The following APP variants were observed in gnomAD, a reference collection of about 807,000 sequenced individuals.
The protein encoded by APP is amyloid-beta precursor protein.
APP carries 31 observed loss-of-function variants against 101.4 expected under a neutral mutation model. The ratio of observed to expected loss-of-function variants is 0.31; its 90% CI spans 0.23 to 0.41. The LOEUF (loss-of-function observed/expected upper bound fraction) is 0.41, where lower values mean the gene tolerates loss of function less well. APP is among the 10% of genes least tolerant of loss of function. The probability of loss-of-function intolerance (pLI) is 1.00; values close to 1 mark genes in which losing one functional copy is unlikely to be tolerated. For missense variants in APP, 839 were observed against 1,003.7 expected (o/e 0.84, Z 2.22); for synonymous variants, 366 against 364.4 (o/e 1.00, Z -0.05).
rs115416743 is a variant in APP, at chr21:26,011,018, C to T, written c.865+10822G>A. 5.3e-5 allele frequency among the ~76,000 whole-genome samples: 8 copies of T among 151,708 alleles called. No homozygotes were observed. In the South Asian group the frequency reaches 1.2e-3, roughly 24 times the overall value. ...TCCAGCCTGGGCGACAGCAAGACTC[C>T]GTCTTTGGGGGATGAGACACAGTAT... On this transcript the variant is annotated intron_variant, in intron 6 of 17. Coordinates refer to ENST00000346798, the MANE Select transcript of APP (RefSeq NM_000484.4).
chr21:26,018,031 T>C (rs1177491985), intron 6 of APP, among the ~76,000 whole-genome samples: 3 of 152,234 alleles, frequency 2.0e-5, no homozygotes, highest in Non-Finnish European at 4.4e-5. Context: ...ACAATAATTT[T>C]ATTCTACTGG....
At chr21:26,067,434 G>C (rs45605938) in intron 3 of APP, among the ~76,000 whole-genome samples, 2,027 of 152,310 alleles carry the variant, frequency 0.013, 29 homozygotes, top group Non-Finnish European at 0.022. Context: ...ATTTCAAGGA[G>C]TAGTGACTTG....
At chr21:26,023,408 T>C (rs971068589) in intron 5 of APP, among the ~76,000 whole-genome samples, 1 of 142,462 alleles carries the variant, frequency 7.0e-6, no homozygotes, top group Admixed American at 7.1e-5. Flanking sequence ...GGCATGGTGG[T>C]GTGCACCTGT....
intron 16 of APP, 129 bp downstream of exon 16, chr21:25,897,444 G>GTA: frequency 1.2e-6 from 1 of 806,306 alleles, no homozygotes; most frequent in Non-Finnish European, 2.1e-6. Flanking sequence ...TGTTTTCATG[G>GTA]TAATCCTATA....
chr21:26,163,972 C>T lies in APP; in HGVS notation c.57+6592G>A, dbSNP rs1483623181. On this transcript the variant is annotated intron_variant, in intron 1 of 17. Coordinates refer to ENST00000346798, the MANE Select transcript of APP (RefSeq NM_000484.4). ...ACAAATTCACTTTACTGCAGCTGGG[C>T]GCGGTGGCTCACGCCTGTAATCGCA... 3.3e-5 allele frequency among the ~76,000 whole-genome samples: 5 copies of T among 152,328 alleles called. No individual in the cohort carries two copies. The South Asian group carries it at 8.3e-4, about 25-fold the overall frequency.
In APP at chr21:25,946,721, A is replaced by G. The variant is rs193036145; in HGVS notation, c.1687+7869T>C. On this transcript the variant is annotated intron_variant, in intron 13 of 17. Coordinates refer to ENST00000346798, the MANE Select transcript of APP (RefSeq NM_000484.4). Reference sequence around the variant, plus strand: ...TAAAATTAAGAAAGTAAGGTAAACAACCCAATTAAAAAATTGGGCAAAGAA... The same window carrying G: ...TAAAATTAAGAAAGTAAGGTAAACAGCCCAATTAAAAAATTGGGCAAAGAA... Among the ~76,000 whole-genome samples, 1,061 of 152,208 alleles carry G rather than the reference A, an allele frequency of 7.0e-3. 9 individuals carry two copies. The highest frequency in any genetic ancestry group is 0.024 in the African/African-American group (999 of 41,534).
chr21:26,023,093 C>T (rs1013100056), intron 5 of APP, among the ~76,000 whole-genome samples: 3 of 152,160 alleles, frequency 2.0e-5, no homozygotes, highest in Admixed American at 6.5e-5. Flanking sequence ...CTGCAATGCC[C>T]TGTGGTCAGG....
At chr21:26,036,353 G>A (rs953205889) in intron 5 of APP, among the ~76,000 whole-genome samples, 3 of 152,068 alleles carry the variant, frequency 2.0e-5, no homozygotes, top group Non-Finnish European at 4.4e-5. Context: ...GGAAATGACA[G>A]TGACACACAG....
At chr21:26,109,484 T>C (rs1261322261) in intron 2 of APP, among the ~76,000 whole-genome samples, 2 of 152,244 alleles carry the variant, frequency 1.3e-5, no homozygotes, top group Non-Finnish European at 2.9e-5. Context: ...GCCATGATTC[T>C]AAGTTTCCTG....
At chr21:25,892,949 T>TA (rs768171775) in intron 16 of APP, among the ~76,000 whole-genome samples, 27,097 of 90,602 alleles carry the variant, frequency 0.3, 2,963 homozygotes, top group African/African-American at 0.43. Context: ...AGATAGTATT[T>TA]AAAAAAAAAA....
intron 5 of APP, among the ~76,000 whole-genome samples, chr21:26,035,658 G>T (rs536555455): frequency 1.5e-4 from 23 of 152,110 alleles, no homozygotes; most frequent in Non-Finnish European, 3.1e-4. Flanking sequence ...TTAAATTTGG[G>T]GGTTCCAGGA....
rs45571934 is a variant in APP, at chr21:25,955,921, T to C, written c.1459-166A>G. Among the ~76,000 whole-genome samples, 2,959 of 152,278 alleles carry C rather than the reference T, an allele frequency of 0.019. 88 individuals are homozygous for C. The highest frequency in any genetic ancestry group is 0.067 in the African/African-American group (2,763 of 41,542). ...AACATTTCTCCTACTCCTTTCTTAATGGGTAATTACTTAGATCGGCTGCTT... is the reference window on the plus strand; with the variant it reads ...AACATTTCTCCTACTCCTTTCTTAACGGGTAATTACTTAGATCGGCTGCTT... On this transcript the variant is annotated intron_variant, in intron 11 of 17. Transcript: ENST00000346798.
rs1047655998 is a variant in APP at position 25,958,492 on chromosome 21, T to A, written c.1459-2737A>T. Among the ~76,000 whole-genome samples, 7 of 152,284 alleles carry A rather than the reference T, an allele frequency of 4.6e-5. No homozygotes were observed. The South Asian group carries it at 1.0e-3, about 23-fold the overall frequency. On this transcript the variant is annotated intron_variant, in intron 11 of 17. Transcript: ENST00000346798. ...CGGGGTTTCGCCATGTTAGCCAGGA[T>A]GGTCTCCATCTCCTGACCTCGTGAT...
intron 15 of APP, among the ~76,000 whole-genome samples, chr21:25,904,351 TAAA>T (rs1569034147): frequency 6.6e-6 from 1 of 152,176 alleles, no homozygotes; most frequent in South Asian, 2.1e-4. Flanking sequence ...TGTGAAACTG[TAAA>T]AAAAGAAGTG....
At chr21:26,022,477 C>T (rs527394282) in intron 5 of APP, among the ~76,000 whole-genome samples, 5 of 152,102 alleles carry the variant, frequency 3.3e-5, no homozygotes, top group Non-Finnish European at 7.3e-5. Context: ...CAAAAAGTCG[C>T]CTCTCATGTT....
chr21:25,979,675 C>T (rs1453281960), intron 9 of APP, among the ~76,000 whole-genome samples: 2 of 151,786 alleles, frequency 1.3e-5, no homozygotes, highest in African/African-American at 4.8e-5. Context: ...CACAGATGTG[C>T]TAAAAGTTAA....
chr21:26,003,294 C>A (rs1220470089), intron 6 of APP, among the ~76,000 whole-genome samples: 1 of 152,248 alleles, frequency 6.6e-6, no homozygotes, highest in African/African-American at 2.4e-5. Context: ...TTGCTGGAGT[C>A]TCCAGCTGTA....
rs200591716 is a variant in APP, at chr21:25,881,396, C to G, written c.*274G>C. 1 of 505,742 alleles carries G rather than the reference C, an allele frequency of 2.0e-6. No homozygotes were observed. The highest frequency in any genetic ancestry group is 1.9e-5 in the African/African-American group (1 of 51,844). The allele number at this position is 505,742 out of a possible 1,614,324, so 31.3% of individuals were successfully genotyped here. On this transcript the variant is annotated 3_prime_UTR_variant, in exon 18 of 18. Transcript: ENST00000346798. The stretch of plus-strand genomic sequence containing the variant: ...AATCAGGAGAGAATCTATTCATGCA[C>G]TAGTTTGATACAGCTAAATTCTTTA...
chr21:26,147,684 TGTTAA>T (rs2063180747), intron 1 of APP, among the ~76,000 whole-genome samples: 1 of 152,162 alleles, frequency 6.6e-6, no homozygotes, highest in Non-Finnish European at 1.5e-5. Flanking sequence ...ACAGAGCAAC[TGTTAA>T]GTTAATCCCC....
Sources: allele counts gnomAD v4.1 joint callset (sites outside exome capture counted in the v4.1 genomes callset), GRCh38; gene constraint gnomAD v4.1.1; transcripts MANE v1.5; gene names NCBI Gene and HGNC (gene_info 2026-07-23, HGNC 2026-07-21).